Variants in CAMTA1 observed in about 807,000 individuals in gnomAD.
CAMTA1 encodes calmodulin binding transcription activator 1.
In CAMTA1, 27 loss-of-function variants were observed where a neutral mutation model predicts 170.9. The ratio of observed to expected loss-of-function variants is 0.16; its 90% CI spans 0.12 to 0.22. The LOEUF is 0.22. Ranked by LOEUF, CAMTA1 falls within the 10% of genes least tolerant of loss-of-function variation. The pLI is 1.00. For synonymous variants in CAMTA1, 833 were observed against 891.5 expected, an observed-to-expected ratio of 0.93 and a Z score of 1.17; for missense variants, 1,619 against 2,217.2, an observed-to-expected ratio of 0.73 and a Z score of 5.42.
chr1:6,931,997 C>T (rs1222643474), intron 3 of CAMTA1, among the ~76,000 whole-genome samples: 4 of 152,202 alleles, frequency 2.6e-5, no homozygotes, highest in African/African-American at 9.7e-5. Flanking sequence ...CCTCAGGGAA[C>T]ACCATTCACA....
At chr1:7,432,958 A>G (rs546058921) in intron 5 of CAMTA1, among the ~76,000 whole-genome samples, 39 of 152,354 alleles carry the variant, frequency 2.6e-4, no homozygotes, top group Admixed American at 1.4e-3. Flanking sequence ...CACCGGGGCC[A>G]GCCCCAGAGG....
At chr1:6,837,100 C>T (rs1196972458) in intron 3 of CAMTA1, among the ~76,000 whole-genome samples, 1 of 152,130 alleles carries the variant, frequency 6.6e-6, no homozygotes, top group East Asian at 1.9e-4. Flanking sequence ...ACTACAGGCA[C>T]GCGCCACCAT....
intron 6 of CAMTA1, among the ~76,000 whole-genome samples, chr1:7,624,691 C>T (rs186965505): frequency 3.9e-5 from 6 of 152,336 alleles, no homozygotes; most frequent in South Asian, 2.1e-4. Flanking sequence ...ATTCAACCAA[C>T]ACTTGCTGAC....
intron 11 of CAMTA1, among the ~76,000 whole-genome samples, chr1:7,708,074 T>C (rs1215209061): frequency 6.6e-6 from 1 of 152,208 alleles, no homozygotes; most frequent in African/African-American, 2.4e-5. Flanking sequence ...CTGACACTTG[T>C]AATTCTAGCA....
chr1:6,988,935 C>A (rs981769526), intron 3 of CAMTA1, among the ~76,000 whole-genome samples: 1 of 152,188 alleles, frequency 6.6e-6, no homozygotes, highest in Non-Finnish European at 1.5e-5. Context: ...TGAGCCAATC[C>A]GAGGCAGAGA....
chr1:7,279,210 G>C (rs888352345), intron 5 of CAMTA1, among the ~76,000 whole-genome samples: 4 of 152,218 alleles, frequency 2.6e-5, no homozygotes, highest in Non-Finnish European at 5.9e-5. Flanking sequence ...ATGAAAGCTT[G>C]TAAGCAGGGC....
At position 7,685,187 on chromosome 1, in the gene CAMTA1, G is replaced by A. The variant is rs1169868510; in HGVS notation, c.2914+7454G>A. ...GAGGTCACAGGTGGTGTGTTTTAAG[G>A]AGCATCACAGGAAGTACAGTTCCGT... is the stretch of plus-strand genomic sequence containing the variant. On this transcript the variant is annotated intron_variant, in intron 11 of 22. Transcript: ENST00000303635. The surrounding 1 kb of genome is among the most constrained non-coding windows in gnomAD (Gnocchi z 5.7). 1.3e-5 allele frequency among the ~76,000 whole-genome samples: 2 copies of A among 152,172 alleles called. No individual in the cohort carries two copies. The highest frequency in any genetic ancestry group is 4.8e-5 in the African/African-American group (2 of 41,430).
intron 9 of CAMTA1, among the ~76,000 whole-genome samples, chr1:7,667,047 T>A (rs2096007653): frequency 6.6e-6 from 1 of 152,002 alleles, no homozygotes; most frequent in Admixed American, 6.6e-5. Context: ...CCCTGCTGCA[T>A]CCAGCTAATT....
intron 3 of CAMTA1, among the ~76,000 whole-genome samples, chr1:6,991,862 C>A (rs938430906): frequency 6.6e-6 from 1 of 152,006 alleles, no homozygotes; most frequent in Non-Finnish European, 1.5e-5. Context: ...CCATACCTGG[C>A]TATTTTTTTT....
intron 5 of CAMTA1, among the ~76,000 whole-genome samples, chr1:7,267,031 C>A (rs979484429): frequency 6.6e-6 from 1 of 152,154 alleles, no homozygotes; most frequent in African/African-American, 2.4e-5. Flanking sequence ...GGACAGGTAA[C>A]TTTGCTTTAT....
chr1:7,537,937 T>C (rs2094567671), intron 6 of CAMTA1, among the ~76,000 whole-genome samples: 1 of 152,228 alleles, frequency 6.6e-6, no homozygotes, highest in Non-Finnish European at 1.5e-5. Flanking sequence ...CCTATTTTCT[T>C]CTACTTCAGA....
chr1:6,987,918 G>A (rs1188527803), intron 3 of CAMTA1, among the ~76,000 whole-genome samples: 7 of 152,192 alleles, frequency 4.6e-5, no homozygotes, highest in South Asian at 2.1e-4. Context: ...AAGAGCCGGC[G>A]TCTGTCATCT....
At chr1:7,539,913 G>A (rs1575888904) in intron 6 of CAMTA1, among the ~76,000 whole-genome samples, 1 of 152,222 alleles carries the variant, frequency 6.6e-6, no homozygotes, top group Non-Finnish European at 1.5e-5. Flanking sequence ...ATCAAGCAGC[G>A]CCCTCTGCTG....
At chr1:7,467,073 C>A (rs1170833583) in intron 5 of CAMTA1, among the ~76,000 whole-genome samples, 1 of 152,026 alleles carries the variant, frequency 6.6e-6, no homozygotes, top group African/African-American at 2.4e-5. Context: ...CCCCAATGAC[C>A]CCACCCACTG....
chr1:7,413,366 T>C (rs1038300535), intron 5 of CAMTA1, among the ~76,000 whole-genome samples: 1 of 152,198 alleles, frequency 6.6e-6, no homozygotes, highest in Non-Finnish European at 1.5e-5. Flanking sequence ...ATTTTCACGA[T>C]ATTGATTCTT....
At chr1:6,804,411 A>G (rs528809766) in intron 1 of CAMTA1, among the ~76,000 whole-genome samples, 317 of 152,018 alleles carry the variant, frequency 2.1e-3, no homozygotes, top group South Asian at 1.0e-2. Context: ...TCTTTTGTAT[A>G]TTTACATGTT....
At chr1:7,396,912 G>T (rs1024764319) in intron 5 of CAMTA1, among the ~76,000 whole-genome samples, 74 of 152,204 alleles carry the variant, frequency 4.9e-4, no homozygotes, top group African/African-American at 1.8e-3. Context: ...TTTTGTTGAG[G>T]ACTTTTGCAT....
At chr1:6,899,082 T>C (rs140830077) in intron 3 of CAMTA1, among the ~76,000 whole-genome samples, 1 of 152,230 alleles carries the variant, frequency 6.6e-6, no homozygotes, top group Non-Finnish European at 1.5e-5. Flanking sequence ...TGGGGAGGGT[T>C]TGCTGCCATT....
chr1:7,498,839 T>A (rs2093896233), intron 6 of CAMTA1, among the ~76,000 whole-genome samples: 1 of 147,896 alleles, frequency 6.8e-6, no homozygotes, highest in African/African-American at 2.5e-5. Context: ...GAGCCTGGTG[T>A]GCGTGTGTAT....
Sources: allele counts gnomAD v4.1 joint callset (sites outside exome capture counted in the v4.1 genomes callset), GRCh38; gene constraint gnomAD v4.1.1; non-coding constraint Gnocchi (gnomAD v3.1); transcripts MANE v1.5; gene names NCBI Gene and HGNC (gene_info 2026-07-23, HGNC 2026-07-21).